Variants in FAM53A observed in about 807,000 individuals in gnomAD.
FAM53A encodes protein FAM53A.
Under a neutral mutation model 26.6 loss-of-function variants are expected in FAM53A, and 28 were observed. The observed-to-expected ratio is 1.05, with a 90% CI of 0.78 to 1.45. The LOEUF is 1.45. Among genes scored for constraint, FAM53A ranks in the 40% most tolerant of loss-of-function variants. The pLI is 0.00. For missense variants in FAM53A, 650 were observed against 575.8 expected (o/e 1.13, Z -1.32); for synonymous variants, 290 against 253.1 (o/e 1.15, Z -1.38).
At chr4:1,642,886 G>C (rs1711852495) in intron 4 of FAM53A, among the ~76,000 whole-genome samples, 1 of 152,218 alleles carries the variant, frequency 6.6e-6, no homozygotes, top group Non-Finnish European at 1.5e-5. Flanking sequence ...AGGGCACGTG[G>C]GTGCCACTGG....
At chr4:1,664,571 C>T (rs1463140556) in intron 2 of FAM53A, among the ~76,000 whole-genome samples, 3 of 152,306 alleles carry the variant, frequency 2.0e-5, no homozygotes, top group East Asian at 3.8e-4. Flanking sequence ...TTAGAAGTAA[C>T]TTGTGTTTAG....
intron 1 of FAM53A, among the ~76,000 whole-genome samples, chr4:1,619,659 C>A (rs1011374875): frequency 6.6e-6 from 1 of 152,160 alleles, no homozygotes; most frequent in African/African-American, 2.4e-5. Flanking sequence ...GTCTCTGACT[C>A]ACGCACCGGG....
chr4:1,605,226 G>A, the FAM53A span, among the ~76,000 whole-genome samples: 1 of 152,190 alleles, frequency 6.6e-6, no homozygotes, highest in African/African-American at 2.4e-5. This position sits in a 1 kb window ranked among gnomAD's most constrained non-coding sequence, Gnocchi z 5.7. Flanking sequence ...GCTCCACAAC[G>A]TCGGAGGCAT....
chr4:1,636,784 G>GA (rs751697000), downstream of FAM53A, among the ~76,000 whole-genome samples: 3 of 152,248 alleles, frequency 2.0e-5, no homozygotes, highest in Non-Finnish European at 4.4e-5. Context: ...CAGGCATCGG[G>GA]AGGCCACGGG....
downstream of FAM53A, among the ~76,000 whole-genome samples, chr4:1,614,473 G>GATGCAGAGACGTGAGGGGC (rs1714738179): frequency 7.4e-6 from 1 of 134,308 alleles, no homozygotes; most frequent in African/African-American, 3.1e-5. Context: ...ACGTGAGGGG[G>GATGCAGAGACGTGAGGGGC]ATGCAGAGAC....
the FAM53A span, among the ~76,000 whole-genome samples, chr4:1,590,970 A>ATATATG: frequency 9.1e-6 from 1 of 109,484 alleles, no homozygotes; most frequent in South Asian, 2.9e-4. Flanking sequence ...ATATATATAT[A>ATATATG]TATATATATA....
At chr4:1,678,329 C>CTCTT (rs2109058352) in intron 1 of FAM53A, among the ~76,000 whole-genome samples, 1 of 152,252 alleles carries the variant, frequency 6.6e-6, no homozygotes, top group East Asian at 1.9e-4. Flanking sequence ...GGTGACAGAG[C>CTCTT]AAGACCCTGT....
chr4:1,590,996 AT>A, the FAM53A span, among the ~76,000 whole-genome samples: 1 of 126,070 alleles, frequency 7.9e-6, no homozygotes, highest in Non-Finnish European at 1.6e-5. Context: ...ATATATATAT[AT>A]ATATAATCAT....
the FAM53A span, among the ~76,000 whole-genome samples, chr4:1,585,580 G>A: frequency 1.8e-4 from 28 of 151,486 alleles, no homozygotes; most frequent in African/African-American, 6.1e-4. Flanking sequence ...CACTGCACCC[G>A]GCCCAATGTC....
At chr4:1,623,635 C>T (rs1361307188) in intron 1 of FAM53A, among the ~76,000 whole-genome samples, 5 of 152,234 alleles carry the variant, frequency 3.3e-5, no homozygotes, top group Non-Finnish European at 7.3e-5. Flanking sequence ...GACGGCCGCC[C>T]GCTCCGGAAC....
chr4:1,680,470 C>G (rs1009463323), intron 1 of FAM53A, among the ~76,000 whole-genome samples: 4 of 152,086 alleles, frequency 2.6e-5, no homozygotes, highest in Non-Finnish European at 4.4e-5. Flanking sequence ...AATCCTGCTC[C>G]TTGGTATTCA....
At chr4:1,634,498 C>T (rs776119019) in intron 1 of FAM53A, among the ~76,000 whole-genome samples, 29 of 152,214 alleles carry the variant, frequency 1.9e-4, no homozygotes, top group African/African-American at 6.3e-4. Flanking sequence ...CAAGATCATA[C>T]GTGCCTGGGA....
the FAM53A span, among the ~76,000 whole-genome samples, chr4:1,611,123 G>A: frequency 1.2e-4 from 19 of 152,342 alleles, no homozygotes; most frequent in African/African-American, 3.6e-4. Context: ...CCTGAGGTGC[G>A]TCTCAGCCGC....
intron 1 of FAM53A, among the ~76,000 whole-genome samples, chr4:1,627,342 C>T (rs1715351577): frequency 6.6e-6 from 1 of 152,216 alleles, no homozygotes; most frequent in South Asian, 2.1e-4. Flanking sequence ...CCCTGAGTAG[C>T]TCACGCCCTC....
the FAM53A span, among the ~76,000 whole-genome samples, chr4:1,595,557 C>G: frequency 6.6e-6 from 1 of 152,198 alleles, no homozygotes; most frequent in Non-Finnish European, 1.5e-5. Context: ...GAAGTCACCA[C>G]TGGTATAAAT....
At chr4:1,641,877 C>A (rs1711752383) in intron 4 of FAM53A, among the ~76,000 whole-genome samples, 1 of 152,182 alleles carries the variant, frequency 6.6e-6, no homozygotes, top group South Asian at 2.1e-4. Context: ...CAGCCTGGCC[C>A]TGCCCAGACC....
downstream of FAM53A, among the ~76,000 whole-genome samples, chr4:1,613,464 T>C (rs907431683): frequency 1.3e-5 from 2 of 152,190 alleles, no homozygotes; most frequent in African/African-American, 4.8e-5. Flanking sequence ...AGTCCTACTG[T>C]TGGAGCTAAT....
At chr4:1,655,762 G>A (rs1335283825) in intron 3 of FAM53A, 39 bp from the exon 4 acceptor site, 1 of 1,499,864 alleles carries the variant, frequency 6.7e-7, no homozygotes, top group South Asian at 1.3e-5. Flanking sequence ...GAAGAGACAG[G>A]TGAGCCACAG....
chr4:1,606,765 G>A, the FAM53A span, among the ~76,000 whole-genome samples: 2 of 152,212 alleles, frequency 1.3e-5, no homozygotes, highest in East Asian at 3.9e-4. Flanking sequence ...CGAGGGACTC[G>A]GGCAGCCACG....
Sources: allele counts gnomAD v4.1 joint callset (sites outside exome capture counted in the v4.1 genomes callset), GRCh38; gene constraint gnomAD v4.1.1; non-coding constraint Gnocchi (gnomAD v3.1); transcripts MANE v1.5; gene names NCBI Gene and HGNC (gene_info 2026-07-23, HGNC 2026-07-21).